The following SLIT1 variants were observed in gnomAD, a reference collection of about 807,000 sequenced individuals.
The protein encoded by SLIT1 is slit homolog 1 protein.
Under a neutral mutation model 186.1 loss-of-function variants are expected in SLIT1, and 66 were observed. The observed-to-expected ratio is 0.35, with a 90% CI of 0.29 to 0.44. The LOEUF (loss-of-function observed/expected upper bound fraction) is 0.44. Ranked by LOEUF, SLIT1 falls within the 20% of genes least tolerant of loss-of-function variation. The pLI, the probability that SLIT1 is intolerant of heterozygous loss-of-function variation, is 1.00. For missense variants in SLIT1, 1,638 were observed against 2,037.4 expected (o/e 0.80, Z 3.77); for synonymous variants, 761 against 833.8 (o/e 0.91, Z 1.50).
chr10:97,104,438 C>A (rs1849392309), intron 4 of SLIT1, among the ~76,000 whole-genome samples: 1 of 152,080 alleles, frequency 6.6e-6, no homozygotes, highest in Non-Finnish European at 1.5e-5. Flanking sequence ...GCACGTAAGG[C>A]AGTAGGAACA....
At chr10:97,017,098 C>T in intron 28 of SLIT1, among the ~76,000 whole-genome samples, 1 of 152,220 alleles carries the variant, frequency 6.6e-6, no homozygotes, top group East Asian at 1.9e-4. Context: ...AGCCCGCATT[C>T]TGTAAGGCAG....
chr10:97,086,866 C>G, intron 4 of SLIT1, among the ~76,000 whole-genome samples: 1 of 152,086 alleles, frequency 6.6e-6, no homozygotes, highest in East Asian at 1.9e-4. Flanking sequence ...CCCATAGAGT[C>G]TGCAACACCA....
chr10:97,185,569 C>A lies in SLIT1; in HGVS notation c.106G>T (p.Ala36Ser), dbSNP rs769400896. ...GTGGTTCCGGTGCAGGTGCAGAGGG[C>A]GGGGCACGCCGAGGCACCCAGGCGC... is the stretch of plus-strand genomic sequence containing the variant. ...AWRLGASACP[A>S]LCTCTGTTVD... The change falls in exon 1 of 37, where the codon GCC becomes TCC. Residue 36 changes from alanine to serine, a missense_variant. Physicochemically the swap from Ala to Ser is moderately conservative, Grantham distance 99. Coordinates refer to ENST00000266058, the MANE Select transcript of SLIT1 (RefSeq NM_003061.3). The A allele has an allele frequency of 1.2e-6, 2 of 1,607,074 alleles. No homozygotes were observed. The highest frequency in any genetic ancestry group is 8.5e-7 in the Non-Finnish European group (1 of 1,177,730).
chr10:97,155,949 A>G (rs949505883), intron 4 of SLIT1, among the ~76,000 whole-genome samples: 9 of 152,366 alleles, frequency 5.9e-5, no homozygotes, highest in Admixed American at 2.0e-4. Flanking sequence ...GGCCAGCAAC[A>G]GCATGGACCA....
At chr10:97,086,321 G>T (rs1849158725) in intron 4 of SLIT1, among the ~76,000 whole-genome samples, 2 of 152,128 alleles carry the variant, frequency 1.3e-5, no homozygotes, top group South Asian at 4.1e-4. Flanking sequence ...TGTAATCCCA[G>T]CACTTTGGGA....
Position 97,140,846 on chromosome 10 carries a change from G to T in SLIT1, c.413+16972C>A, listed in dbSNP as rs78392445. On this transcript the variant is annotated intron_variant, in intron 4 of 36. Transcript: ENST00000266058. ...TGTCGATTTTTATTGTTCCAAATTT[G>T]ACTCTGAAATGTGGGCCAGAATCTG... 2.8e-4 allele frequency among the ~76,000 whole-genome samples: 42 copies of T among 152,242 alleles called. No homozygotes were observed. In the East Asian group the frequency reaches 7.9e-3, roughly 29 times the overall value.
intron 4 of SLIT1, among the ~76,000 whole-genome samples, chr10:97,081,311 G>A (rs1849102779): frequency 6.6e-6 from 1 of 152,168 alleles, no homozygotes; most frequent in Non-Finnish European, 1.5e-5. Flanking sequence ...CCAGGGAGAA[G>A]CTGGGAGCCC....
Position 97,034,536 on chromosome 10 carries a change from C to A in SLIT1, c.2373G>T (p.Leu791=). The part of the protein sequence containing the change: ...STFKYLQLVD[L]SNNKISSLSN... ...TTAAGGAACTGATCTTGTTGTTGCT[C>A]AGGTCCCTGGAAAAGGCAAAGGCAT... is the stretch of plus-strand genomic sequence containing the variant. Residue 791 remains leucine (L), a synonymous_variant, in exon 23 of 37, where the codon CTG becomes CTT. Transcript: ENST00000266058. The A allele has an allele frequency of 1.2e-6, 2 of 1,613,488 alleles. No individual in the cohort carries two copies. The highest frequency in any genetic ancestry group is 2.2e-5 in the South Asian group (2 of 91,048).
intron 13 of SLIT1, among the ~76,000 whole-genome samples, chr10:97,054,538 A>G (rs1848820603): frequency 6.6e-6 from 1 of 152,222 alleles, no homozygotes; most frequent in African/African-American, 2.4e-5. Flanking sequence ...CACTGAGATC[A>G]ATGGCTGTTT....
At chr10:97,168,521 C>G (rs7903882) in intron 1 of SLIT1, among the ~76,000 whole-genome samples, 1 of 152,122 alleles carries the variant, frequency 6.6e-6, no homozygotes, top group African/African-American at 2.4e-5. Flanking sequence ...AATGTTACCC[C>G]CTCCTTCCAC....
rs529774792 is a variant in SLIT1 at position 96,999,004 on chromosome 10, G to A, written c.*2108C>T. ...TGGCCAGGAAAGCTATCTTTCTCAG[G>A]GTTGGTGAGTCCCAGAGCACCTTTC... On this transcript the variant is annotated 3_prime_UTR_variant, in exon 37 of 37. Coordinates refer to ENST00000266058, the MANE Select transcript of SLIT1 (RefSeq NM_003061.3). The A allele has an allele frequency of 4.6e-5, 7 of 152,476 alleles. No individual in the cohort carries two copies. The East Asian group carries it at 1.2e-3, about 25-fold the overall frequency. 9.4% of individuals were successfully genotyped at this position (152,476 alleles called of 1,614,324 possible).
rs1564651638 is a variant in SLIT1 at position 97,004,775 on chromosome 10, CGTT to C, written c.3625_3627del (p.Asn1209del). On this transcript the variant is annotated inframe_deletion, in exon 33 of 37. Transcript: ENST00000266058. The surrounding 1 kb of genome is among the most constrained non-coding windows in gnomAD (Gnocchi z 5.1). ...TGGTACAGCTCAACTGCAATGTGGT[CGTT>C]GTCCCCGTTGTACAGAAGGATCCCA... 4 of 1,614,104 alleles carry C rather than the reference CGTT, an allele frequency of 2.5e-6. No homozygotes were observed. The highest frequency in any genetic ancestry group is 2.2e-5 in the East Asian group (1 of 44,870).
In SLIT1 at chr10:97,002,296, C is replaced by T. The variant is rs1018324726; in HGVS notation, c.4228G>A (p.Ala1410Thr). Residue 1410 changes from alanine to threonine, a missense_variant, in exon 36 of 37, where the codon GCA becomes ACA. Around this residue, in one of 3 missense-constraint regions of SLIT1, gnomAD observed 220 missense variants for 211.3 expected, o/e 1.04. Coordinates refer to ENST00000266058, the MANE Select transcript of SLIT1 (RefSeq NM_003061.3). ...AGGGCCCCGGCCTGGTTGCACAGTG[C>T]CCCCGAGTACCCATCCTGGCACTGG... ...SCQCQDGYSG[A>T]LCNQAGALAE... The T allele has an allele frequency of 1.9e-6, 3 of 1,610,402 alleles. No homozygotes were observed. Among genetic ancestry groups the T allele is most frequent in the African/African-American group, 1.3e-5 (1 of 74,878 alleles).
intron 4 of SLIT1, among the ~76,000 whole-genome samples, chr10:97,082,730 A>G (rs1377779752): frequency 6.6e-6 from 1 of 152,002 alleles, no homozygotes; most frequent in Non-Finnish European, 1.5e-5. Flanking sequence ...CACCACGCCC[A>G]GCCTCATTTA....
chr10:97,061,869 C>T (rs2134638015), intron 8 of SLIT1, among the ~76,000 whole-genome samples: 1 of 152,278 alleles, frequency 6.6e-6, no homozygotes, highest in South Asian at 2.1e-4. Context: ...AGTTGATACC[C>T]CCACCAGCAT....
chr10:97,059,575 C>T (rs1310003334), intron 10 of SLIT1, 44 bp from the exon 11 acceptor site: 7 of 1,488,608 alleles, frequency 4.7e-6, no homozygotes, highest in Non-Finnish European at 5.6e-6. Context: ...AATCCCTCAA[C>T]AGCCACTAAG....
At position 97,043,129 on chromosome 10, in the gene SLIT1, C is replaced by G; in HGVS notation, c.1998-62G>C. ...TGCCCCTCTCAGAGGTCCCAGCAAA[C>G]CCCTCCTGTACCACGGACACAGGGC... On this transcript the variant is annotated intron_variant, in intron 19 of 36. Transcript: ENST00000266058. The surrounding 1 kb of genome is among the most constrained non-coding windows in gnomAD (Gnocchi z 7.0). 6 of 1,559,830 alleles carry G rather than the reference C, an allele frequency of 3.8e-6. No homozygotes were observed. The highest frequency in any genetic ancestry group is 4.4e-6 in the Non-Finnish European group (5 of 1,144,534).
At position 97,104,349 on chromosome 10, in the gene SLIT1, G is replaced by T. The variant is rs112494027; in HGVS notation, c.414-38263C>A. Reference sequence around the variant, plus strand: ...AAGGGGAAAAGTAGTCAAGGGTAGGGACTTTGGATATCACTGTGATGAAGC... The same window carrying T: ...AAGGGGAAAAGTAGTCAAGGGTAGGTACTTTGGATATCACTGTGATGAAGC... On this transcript the variant is annotated intron_variant, in intron 4 of 36. Transcript: ENST00000266058. Among the ~76,000 whole-genome samples the T allele has an allele frequency of 2.8e-3, 425 of 152,202 alleles. 2 individuals are homozygous for T. The highest frequency in any genetic ancestry group is 7.4e-3 in the African/African-American group (308 of 41,526).
At chr10:97,014,865 CA>C (rs60054761) in intron 28 of SLIT1, among the ~76,000 whole-genome samples, 11,815 of 111,432 alleles carry the variant, frequency 0.11, 540 homozygotes, top group East Asian at 0.25. Flanking sequence ...GACTCTGTCT[CA>C]AAAAAAAAAA....
Sources: allele counts gnomAD v4.1 joint callset (sites outside exome capture counted in the v4.1 genomes callset), GRCh38; gene constraint gnomAD v4.1.1; regional missense constraint gnomAD v4.1.1; non-coding constraint Gnocchi (gnomAD v3.1); transcripts MANE v1.5; gene names NCBI Gene and HGNC (gene_info 2026-07-23, HGNC 2026-07-21).